The following C2orf92 variants were observed in gnomAD, a reference collection of about 807,000 sequenced individuals.
C2orf92 encodes the protein uncharacterized protein C2orf92.
In C2orf92 at chr2:97,702,845, C is replaced by A; in HGVS notation, c.*44C>A. On this transcript the variant is annotated 3_prime_UTR_variant, in exon 8 of 8. Coordinates refer to ENST00000627399, the MANE Select transcript of C2orf92 (RefSeq NM_001351368.2). ...CAAACCAGGACTTGAAACCACAATGCGAGGACATTCTCCATCTGCGCACCA... is the reference window on the plus strand; with the variant it reads ...CAAACCAGGACTTGAAACCACAATGAGAGGACATTCTCCATCTGCGCACCA... The A allele has an allele frequency of 2.5e-6, 1 of 398,838 alleles. No individual in the cohort carries two copies. The allele number at this position is 398,838 out of a possible 1,614,324, so 24.7% of individuals were successfully genotyped here.
At chr2:97,665,731 CTCTCTCTATATA>C (rs1215855167), upstream of C2orf92, 65 of 23,208 alleles carry the variant, frequency 2.8e-3, no homozygotes, top group African/African-American at 3.6e-3. Context: ...CTCTCTCTCT[CTCTCTCTATATA>C]TATATATATA....
At chr2:97,692,963 ATATATT>A (rs1676187523) in intron 5 of C2orf92, among the ~76,000 whole-genome samples, 1 of 152,216 alleles carries the variant, frequency 6.6e-6, no homozygotes, top group Non-Finnish European at 1.5e-5. Context: ...GTATGCATAC[ATATATT>A]TATACTGAGA....
upstream of C2orf92, chr2:97,667,913 C>T (rs1317298877): frequency 6.6e-6 from 1 of 152,144 alleles, no homozygotes; most frequent in Non-Finnish European, 1.5e-5. Context: ...TCTCACCAAT[C>T]TCCTGTCCCC....
At chr2:97,702,572 C>A (rs2290127) in intron 7 of C2orf92, 97 bp from the exon 8 acceptor site, 5 of 397,540 alleles carry the variant, frequency 1.3e-5, no homozygotes, top group South Asian at 2.7e-4. Flanking sequence ...AGAATCCTCA[C>A]GCTGGGAAGC....
chr2:97,680,693 G>A (rs1008002800), intron 3 of C2orf92, among the ~76,000 whole-genome samples: 154 of 152,248 alleles, frequency 1.0e-3, no homozygotes, highest in African/African-American at 3.5e-3. Flanking sequence ...TTAGGAGGCC[G>A]AGGCGGGCGG....
chr2:97,697,119 C>T (rs746830590), intron 5 of C2orf92: 6 of 152,218 alleles, frequency 3.9e-5, no homozygotes, highest in African/African-American at 7.2e-5. Context: ...CATGGAAGGA[C>T]GGGAGAATTG....
intron 1 of C2orf92, chr2:97,672,161 G>A (rs1675437774): frequency 6.6e-6 from 1 of 151,964 alleles, no homozygotes; most frequent in South Asian, 2.1e-4. Flanking sequence ...TGCATCAGGA[G>A]TGAAGGTTGA....
At chr2:97,667,637 T>A (rs533955826), upstream of C2orf92, among the ~76,000 whole-genome samples, 8 of 152,156 alleles carry the variant, frequency 5.3e-5, no homozygotes, top group East Asian at 1.4e-3. Context: ...TTTCACCGTG[T>A]TAGCCAGGAT....
upstream of C2orf92, among the ~76,000 whole-genome samples, chr2:97,666,557 G>A (rs1043408784): frequency 6.6e-6 from 1 of 151,072 alleles, no homozygotes; most frequent in African/African-American, 2.4e-5. Flanking sequence ...AAAAGATGGG[G>A]TTGAGATGGG....
At chr2:97,685,789 C>T (rs931802244) in intron 3 of C2orf92, among the ~76,000 whole-genome samples, 3 of 151,930 alleles carry the variant, frequency 2.0e-5, no homozygotes, top group African/African-American at 7.3e-5. Flanking sequence ...TCACGAACTC[C>T]TGACCTCAGG....
intron 5 of C2orf92, among the ~76,000 whole-genome samples, 171 bp from the exon 6 acceptor site, chr2:97,698,855 A>C (rs1051974955): frequency 1.3e-5 from 2 of 152,236 alleles, no homozygotes; most frequent in African/African-American, 4.8e-5. Context: ...TAAAAAGTAA[A>C]CAAAAACAAT....
At chr2:97,686,984 C>G (rs1417202047) in intron 3 of C2orf92, among the ~76,000 whole-genome samples, 1 of 151,852 alleles carries the variant, frequency 6.6e-6, no homozygotes, top group Admixed American at 6.6e-5. Context: ...CACCACTGCA[C>G]TCCAGCCTGG....
intron 3 of C2orf92, chr2:97,677,868 T>C (rs900247906): frequency 2.0e-5 from 3 of 151,954 alleles, no homozygotes; most frequent in African/African-American, 4.8e-5. Context: ...AATAAAGAGA[T>C]AGAAATTATT....
At position 97,685,269 on chromosome 2, in the gene C2orf92, C is replaced by CT. The variant is rs200476324; in HGVS notation, c.233-3612dup. 2.3e-3 allele frequency among the ~76,000 whole-genome samples: 296 copies of CT among 129,854 alleles called. 3 individuals are homozygous for CT. Among genetic ancestry groups the CT allele is most frequent in the East Asian group, 0.015 (64 of 4,326 alleles). 85.2% of individuals were successfully genotyped at this position (129,854 alleles called of 152,430 possible). ...GGTTTTTTTCTTTCTTTCTTTCTTT[C>CT]TTTTTTTTTTTTTTGAGACAAAGTC... is the stretch of plus-strand genomic sequence containing the variant. On this transcript the variant is annotated intron_variant, in intron 3 of 7. Coordinates refer to ENST00000627399, the MANE Select transcript of C2orf92 (RefSeq NM_001351368.2).
intron 5 of C2orf92, among the ~76,000 whole-genome samples, chr2:97,692,502 C>G (rs1169526641): frequency 1.3e-5 from 2 of 151,342 alleles, no homozygotes; most frequent in African/African-American, 2.4e-5. Flanking sequence ...CTCCTCCTCC[C>G]AGGTTCAAGT....
rs11894651 is a variant in C2orf92 at position 97,701,308 on chromosome 2, C to A, written c.665+4C>A. The A allele has an allele frequency of 0.68, 271,377 of 398,672 alleles. 95,255 individuals are homozygous for A. Among genetic ancestry groups the A allele is most frequent in the Non-Finnish European group, 0.73 (165,098 of 225,932 alleles). 24.7% of individuals were successfully genotyped at this position (398,672 alleles called of 1,614,324 possible). ...ACATCAGGAAGAAACAGCCATCGTG[C>A]GTGGTGCTGGCATAACCTTCCTTCC... On this transcript the variant is annotated splice_donor_region_variant and intron_variant, in intron 7 of 7. Coordinates refer to ENST00000627399, the MANE Select transcript of C2orf92 (RefSeq NM_001351368.2).
chr2:97,682,579 C>A (rs1479431560), intron 3 of C2orf92, among the ~76,000 whole-genome samples: 2 of 151,970 alleles, frequency 1.3e-5, no homozygotes, highest in Non-Finnish European at 1.5e-5. Flanking sequence ...ATTAGCAAAC[C>A]AAAACCAATA....
At chr2:97,683,319 C>T (rs2104565756) in intron 3 of C2orf92, among the ~76,000 whole-genome samples, 2 of 151,872 alleles carry the variant, frequency 1.3e-5, no homozygotes, top group East Asian at 3.9e-4. Context: ...AGACTTATAC[C>T]AGTACTGAAA....
intron 3 of C2orf92, among the ~76,000 whole-genome samples, chr2:97,684,590 C>G (rs1164434697): frequency 6.6e-6 from 1 of 152,048 alleles, no homozygotes; most frequent in Non-Finnish European, 1.5e-5. Flanking sequence ...AATCTGACAC[C>G]AAAAGCAGGC....
Sources: gnomAD v4.1 joint callset for allele counts (sites outside exome capture counted in the v4.1 genomes callset) on GRCh38, gnomAD v4.1.1 for gene constraint, MANE v1.5 for transcripts, NCBI Gene and HGNC (gene_info 2026-07-23, HGNC 2026-07-21) for gene names.